The following PTPRN2 variants were observed in gnomAD, a reference collection of about 807,000 sequenced individuals.
The protein encoded by PTPRN2 is protein tyrosine phosphatase receptor type N2.
In PTPRN2, 74 loss-of-function variants were observed where a neutral mutation model predicts 118.8. That is an observed-to-expected ratio of 0.62 (90% CI 0.52 to 0.76). The LOEUF is 0.76. Among genes scored for constraint, PTPRN2 ranks in the 30% least tolerant of loss-of-function variants. The pLI, the probability that PTPRN2 is intolerant of heterozygous loss-of-function variation, is 0.00. For missense variants in PTPRN2, 1,481 were observed against 1,394.4 expected (o/e 1.06, Z -0.99); for synonymous variants, 641 against 608.0 (o/e 1.05, Z -0.80).
chr7:158,304,023 C>T (rs1801088264), intron 3 of PTPRN2, among the ~76,000 whole-genome samples: 6 of 152,206 alleles, frequency 3.9e-5, no homozygotes, highest in Admixed American at 3.3e-4. Context: ...TCCAACAATA[C>T]ACTAAGATGT....
intron 11 of PTPRN2, among the ~76,000 whole-genome samples, chr7:158,040,939 G>T (rs987840285): frequency 6.6e-6 from 1 of 152,142 alleles, no homozygotes; most frequent in Non-Finnish European, 1.5e-5. Flanking sequence ...CACCATGTTG[G>T]CAAGGCTGGT....
rs57550611 is a variant in PTPRN2, at chr7:157,926,779, C to T, written c.1724-28042G>A. ...TCTCCCTGCAGCCCTGGAGATCCTTCACCCTGATCTTGCTGGACACTCCAT... is the reference window on the plus strand; with the variant it reads ...TCTCCCTGCAGCCCTGGAGATCCTTTACCCTGATCTTGCTGGACACTCCAT... On this transcript the variant is annotated intron_variant, in intron 11 of 22. Transcript: ENST00000389418. Among the ~76,000 whole-genome samples the T allele has an allele frequency of 5.9e-3, 897 of 152,336 alleles. 13 individuals are homozygous for T. The highest frequency in any genetic ancestry group is 0.021 in the African/African-American group (854 of 41,578).
At chr7:157,750,012 C>T (rs997698228) in intron 12 of PTPRN2, among the ~76,000 whole-genome samples, 53 of 151,470 alleles carry the variant, frequency 3.5e-4, no homozygotes, top group African/African-American at 1.2e-3. Context: ...GAGCTGTAGA[C>T]TGTTCGGGTG....
chr7:158,284,980 G>A (rs555848249), intron 3 of PTPRN2, among the ~76,000 whole-genome samples: 86 of 152,314 alleles, frequency 5.6e-4, no homozygotes, highest in African/African-American at 1.9e-3. Context: ...ATATGCTGAC[G>A]TTATCCTCCA....
At chr7:158,048,022 G>A (rs1477914023) in intron 11 of PTPRN2, among the ~76,000 whole-genome samples, 1 of 152,032 alleles carries the variant, frequency 6.6e-6, no homozygotes, top group East Asian at 1.9e-4. Flanking sequence ...AGAGCAACAG[G>A]GACAGGGGAC....
At chr7:158,326,881 TCA>T (rs1563142488) in intron 2 of PTPRN2, among the ~76,000 whole-genome samples, 4 of 148,898 alleles carry the variant, frequency 2.7e-5, no homozygotes, top group Admixed American at 1.3e-4. Flanking sequence ...GCACACGTTC[TCA>T]CACATGCACA....
At chr7:158,177,533 C>A (rs113548661) in intron 5 of PTPRN2, among the ~76,000 whole-genome samples, 2 of 152,210 alleles carry the variant, frequency 1.3e-5, no homozygotes, top group East Asian at 3.8e-4. Context: ...CCTGGAGACA[C>A]TGCCCTCTCC....
At chr7:157,956,268 G>A (rs759020973) in intron 11 of PTPRN2, among the ~76,000 whole-genome samples, 3 of 152,286 alleles carry the variant, frequency 2.0e-5, no homozygotes, top group South Asian at 2.1e-4. Context: ...AGCAAGAGAC[G>A]TGGAGCACAT....
In PTPRN2 at chr7:157,650,020, G is replaced by A. The variant is rs567606541; in HGVS notation, c.2196+6337C>T. Among the ~76,000 whole-genome samples the A allele has an allele frequency of 1.3e-4, 20 of 152,286 alleles. 1 individual carries two copies. The South Asian group carries it at 4.0e-3, about 30-fold the overall frequency. On this transcript the variant is annotated intron_variant, in intron 14 of 22. Coordinates refer to ENST00000389418, the MANE Select transcript of PTPRN2 (RefSeq NM_002847.5). The stretch of plus-strand genomic sequence containing the variant: ...GACCCATTCACTGTGCACTGAACTC[G>A]GTGGACGCGTAAATGGCTCTCAAAG...
Position 158,003,948 on chromosome 7 carries a change from T to C in PTPRN2, c.1723+77350A>G, listed in dbSNP as rs142092994. ...TACGAAAAATCATTTGCTACTGTCA[T>C]AGCAGTATAGGAAACGTGTCAGCAC... On this transcript the variant is annotated intron_variant, in intron 11 of 22. Coordinates refer to ENST00000389418, the MANE Select transcript of PTPRN2 (RefSeq NM_002847.5). This position sits in a 1 kb window ranked among gnomAD's most constrained non-coding sequence, Gnocchi z 5.0. Among the ~76,000 whole-genome samples the C allele has an allele frequency of 2.0e-5, 3 of 152,170 alleles. No homozygotes were observed. The highest frequency in any genetic ancestry group is 4.8e-5 in the African/African-American group (2 of 41,422).
chr7:157,804,630 C>T (rs559246342), intron 12 of PTPRN2, among the ~76,000 whole-genome samples: 104 of 152,312 alleles, frequency 6.8e-4, no homozygotes, highest in African/African-American at 2.0e-3. Context: ...AGGACCCACG[C>T]GTGCACACAC....
intron 3 of PTPRN2, among the ~76,000 whole-genome samples, chr7:158,307,093 C>A (rs1007240367): frequency 7.9e-5 from 12 of 152,080 alleles, no homozygotes; most frequent in African/African-American, 2.4e-4. Context: ...TCTTGAACTC[C>A]TGACCTCAAG....
chr7:157,615,728 A>G lies in PTPRN2; in HGVS notation c.2344+5634T>C. On this transcript the variant is annotated intron_variant, in intron 15 of 22. Transcript: ENST00000389418. This position sits in a 1 kb window ranked among gnomAD's most constrained non-coding sequence, Gnocchi z 4.3. ...TGAGAGGGAGGTGACGCAGTGACTC[A>G]GGAACCACAAGCTCTGGAGGCTGAA... The G allele has an allele frequency of 2.5e-6, 1 of 407,990 alleles. No individual in the cohort carries two copies. Among genetic ancestry groups the G allele is most frequent in the Non-Finnish European group, 5.1e-6 (1 of 196,822 alleles). 25.3% of individuals were successfully genotyped at this position (407,990 alleles called of 1,614,324 possible).
At chr7:157,864,198 TC>T (rs916092614) in intron 12 of PTPRN2, 1 of 152,060 alleles carries the variant, frequency 6.6e-6, no homozygotes, top group South Asian at 2.1e-4. Flanking sequence ...TGTGAGTGCG[TC>T]CCCCCATCCA....
chr7:157,829,655 C>T (rs1807419929), intron 12 of PTPRN2, among the ~76,000 whole-genome samples: 1 of 152,254 alleles, frequency 6.6e-6, no homozygotes, highest in South Asian at 2.1e-4. Flanking sequence ...GCCATCTCTG[C>T]AATGGAAGGA....
chr7:157,934,824 A>G (rs1799602370), intron 11 of PTPRN2, among the ~76,000 whole-genome samples: 1 of 152,132 alleles, frequency 6.6e-6, no homozygotes, highest in Non-Finnish European at 1.5e-5. Context: ...GGTCCGCAGC[A>G]TTTTGTACAG....
chr7:158,245,316 G>A (rs761333433), intron 3 of PTPRN2, among the ~76,000 whole-genome samples: 24 of 152,092 alleles, frequency 1.6e-4, no homozygotes, highest in Admixed American at 5.2e-4. Context: ...GCCAGAATCC[G>A]TGGTCATGCC....
intron 10 of PTPRN2, among the ~76,000 whole-genome samples, chr7:158,099,953 A>G (rs1158976997): frequency 6.7e-6 from 1 of 149,260 alleles, no homozygotes; most frequent in African/African-American, 2.5e-5. Context: ...TTTATTTTCC[A>G]TAGGTTTTGG....
intron 22 of PTPRN2, among the ~76,000 whole-genome samples, chr7:157,548,292 A>C (rs187487855): frequency 1.2e-4 from 18 of 152,322 alleles, no homozygotes; most frequent in African/African-American, 4.1e-4. Flanking sequence ...AGACTTACAA[A>C]GAACTTTCAC....
Sources: gnomAD v4.1 joint callset for allele counts (sites outside exome capture counted in the v4.1 genomes callset) on GRCh38, gnomAD v4.1.1 for gene constraint, Gnocchi (gnomAD v3.1) non-coding constraint, MANE v1.5 for transcripts, NCBI Gene and HGNC (gene_info 2026-07-23, HGNC 2026-07-21) for gene names.